MTHFS: variants seen among roughly 807,000 people sequenced by gnomAD.
MTHFS encodes methenyltetrahydrofolate synthetase.
A neutral mutation model predicts 12.7 loss-of-function variants in MTHFS; 7 were observed. That is an observed-to-expected ratio of 0.55 (90% CI 0.31 to 1.03). MTHFS has a LOEUF of 1.03. MTHFS is among the 50% of genes least tolerant of loss of function. MTHFS has a pLI of 0.05. For missense variants in MTHFS, 252 were observed against 258.1 expected (o/e 0.98, Z 0.16); for synonymous variants, 100 against 97.1 (o/e 1.03, Z -0.18).
chr15:79,870,238 A>G (rs1170568022), intron 2 of MTHFS, among the ~76,000 whole-genome samples: 2 of 152,222 alleles, frequency 1.3e-5, no homozygotes, highest in Non-Finnish European at 2.9e-5. Context: ...GTCACAAACT[A>G]TAGCCCTAAG....
In MTHFS at chr15:79,844,810, C is replaced by T. The variant is rs949895000; in HGVS notation, c.*400G>A. On this transcript the variant is annotated 3_prime_UTR_variant, in exon 3 of 3. Transcript: ENST00000258874. The stretch of plus-strand genomic sequence containing the variant: ...AATAAATTAATAGTCCCCAAGTCTC[C>T]ATGTGCCTGCCAGGACAGACCAGGT... Among the ~76,000 whole-genome samples, 4 of 152,192 alleles carry T rather than the reference C, an allele frequency of 2.6e-5. No individual in the cohort carries two copies. The highest frequency in any genetic ancestry group is 9.7e-5 in the African/African-American group (4 of 41,440).
At chr15:79,862,006 T>C (rs140232474) in intron 2 of MTHFS, among the ~76,000 whole-genome samples, 52 of 152,266 alleles carry the variant, frequency 3.4e-4, no homozygotes, top group African/African-American at 1.2e-3. Context: ...TTATTTACCA[T>C]GTGATTAGTT....
chr15:79,883,314 T>C (rs1226754827), intron 2 of MTHFS, among the ~76,000 whole-genome samples: 6 of 152,230 alleles, frequency 3.9e-5, no homozygotes, highest in African/African-American at 1.4e-4. Context: ...CTTTCATAGC[T>C]ATAAAGTGTT....
At chr15:79,873,489 C>G (rs1032223506) in intron 2 of MTHFS, among the ~76,000 whole-genome samples, 1 of 152,036 alleles carries the variant, frequency 6.6e-6, no homozygotes, top group African/African-American at 2.4e-5. Flanking sequence ...CCTGAAAAAT[C>G]AGAAATTTCC....
intron 2 of MTHFS, among the ~76,000 whole-genome samples, chr15:79,848,522 A>G (rs1029673670): frequency 6.6e-6 from 1 of 152,222 alleles, no homozygotes; most frequent in African/African-American, 2.4e-5. Flanking sequence ...TAAAAAATTT[A>G]AAAAAGCAAA....
Position 79,869,041 on chromosome 15 carries a change from T to TG in MTHFS, c.379+20051dup, listed in dbSNP as rs141890597. Among the ~76,000 whole-genome samples, 1,400 of 152,262 alleles carry TG rather than the reference T, an allele frequency of 9.2e-3. 31 individuals are homozygous for TG. The highest frequency in any genetic ancestry group is 0.032 in the African/African-American group (1,349 of 41,536). On this transcript the variant is annotated intron_variant, in intron 2 of 2. Transcript: ENST00000258874. The stretch of plus-strand genomic sequence containing the variant: ...TTATTTGATAATACATACAGTACTT[T>TG]GGGGTACTGTGACTACATCAGGTCA...
chr15:79,896,784 C>T, intron 1 of MTHFS, 88 bp downstream of exon 1: 4 of 1,505,402 alleles, frequency 2.7e-6, no homozygotes, highest in Non-Finnish European at 3.5e-6. Context: ...CCAGCGCCAG[C>T]ACGGACCATG....
chr15:79,867,570 GTAGA>G (rs972879288), intron 2 of MTHFS, among the ~76,000 whole-genome samples: 11 of 148,752 alleles, frequency 7.4e-5, no homozygotes, highest in Admixed American at 1.3e-4. Flanking sequence ...ATTTTTAAAC[GTAGA>G]TAAATGAAAA....
intron 2 of MTHFS, among the ~76,000 whole-genome samples, chr15:79,879,307 T>A (rs2034255047): frequency 6.6e-6 from 1 of 150,446 alleles, no homozygotes; most frequent in East Asian, 1.9e-4. Context: ...GTGTTTTACC[T>A]TTAAATTATT....
intron 1 of MTHFS, chr15:79,896,667 G>A (rs960909531): frequency 4.5e-6 from 4 of 897,300 alleles, no homozygotes; most frequent in African/African-American, 1.8e-5. Context: ...TTCACTACCG[G>A]GCCCTCTCCC....
chr15:79,854,418 G>T (rs983992036), intron 2 of MTHFS, among the ~76,000 whole-genome samples: 3 of 152,158 alleles, frequency 2.0e-5, no homozygotes, highest in African/African-American at 7.2e-5. Context: ...GGGGGCGAGG[G>T]GTAACACCCT....
chr15:79,862,399 C>T (rs2033932330), intron 2 of MTHFS, among the ~76,000 whole-genome samples: 1 of 152,190 alleles, frequency 6.6e-6, no homozygotes, highest in Admixed American at 6.5e-5. Flanking sequence ...TTATCACTAA[C>T]TGAACATACA....
chr15:79,889,596 G>C (rs1442427113), intron 1 of MTHFS, among the ~76,000 whole-genome samples: 1 of 152,124 alleles, frequency 6.6e-6, no homozygotes, highest in Non-Finnish European at 1.5e-5. Flanking sequence ...CACTCTGGTA[G>C]GTGTGAAAAC....
chr15:79,886,355 A>T (rs1018994421), intron 2 of MTHFS, among the ~76,000 whole-genome samples: 4 of 152,236 alleles, frequency 2.6e-5, no homozygotes, highest in African/African-American at 9.6e-5. Context: ...AGGAGATAAC[A>T]AACAGCTGAG....
chr15:79,877,717 A>T (rs981636533), intron 2 of MTHFS: 1 of 151,994 alleles, frequency 6.6e-6, no homozygotes, highest in Non-Finnish European at 1.5e-5. Context: ...AAAGAAAAGA[A>T]ATCTACATTT....
At chr15:79,892,743 G>C (rs141399187) in intron 1 of MTHFS, among the ~76,000 whole-genome samples, 17,784 of 152,152 alleles carry the variant, frequency 0.12, 1,182 homozygotes, top group Middle Eastern at 0.18. Context: ...ATGAGGTCAA[G>C]AGGTCGAGAC....
At chr15:79,892,459 C>A (rs1251918644) in intron 1 of MTHFS, among the ~76,000 whole-genome samples, 3 of 152,210 alleles carry the variant, frequency 2.0e-5, no homozygotes, top group African/African-American at 7.2e-5. Flanking sequence ...TGGAAAAATA[C>A]AGAAATTAGA....
At chr15:79,852,540 T>A (rs571696792) in intron 2 of MTHFS, among the ~76,000 whole-genome samples, 2 of 152,342 alleles carry the variant, frequency 1.3e-5, no homozygotes, top group African/African-American at 4.8e-5. Flanking sequence ...TCTGGGAATA[T>A]TCACACTGAA....
chr15:79,850,390 T>G (rs2033693744), intron 2 of MTHFS, among the ~76,000 whole-genome samples: 1 of 152,230 alleles, frequency 6.6e-6, no homozygotes, highest in African/African-American at 2.4e-5. Context: ...TTAGCACATT[T>G]TTCCTACAAA....
Sources: allele counts gnomAD v4.1 joint callset (sites outside exome capture counted in the v4.1 genomes callset), GRCh38; gene constraint gnomAD v4.1.1; transcripts MANE v1.5; gene names NCBI Gene and HGNC (gene_info 2026-07-23, HGNC 2026-07-21).